Variants in DPP3 observed in about 807,000 individuals in gnomAD.
The protein encoded by DPP3 is DPP III.
DPP3 carries 64 observed loss-of-function variants against 89.8 expected under a neutral mutation model. The observed-to-expected ratio is 0.71, with a 90% confidence interval of 0.58 to 0.88. The LOEUF (loss-of-function observed/expected upper bound fraction) is 0.88. Ranked by LOEUF, DPP3 falls within the 40% of genes least tolerant of loss-of-function variation. DPP3 has a pLI of 0.00. For missense variants in DPP3, 835 were observed against 972.5 expected (o/e 0.86, Z 1.88); for synonymous variants, 377 against 404.3 (o/e 0.93, Z 0.81).
intron 3 of DPP3, 117 bp downstream of exon 3, chr11:66,485,379 C>T: frequency 1.0e-6 from 1 of 979,572 alleles, no homozygotes; most frequent in Non-Finnish European, 1.5e-6. Flanking sequence ...AGCATGGACC[C>T]TGTCGCTTCC....
intron 1 of DPP3, 156 bp downstream of exon 1, chr11:66,480,621 G>GCAAA: frequency 1.2e-6 from 1 of 869,384 alleles, no homozygotes; most frequent in Non-Finnish European, 1.6e-6. Flanking sequence ...GCTCCGGGGA[G>GCAAA]CAAAGAGTTA....
intron 16 of DPP3, 70 bp downstream of exon 16, chr11:66,497,547 C>G: frequency 2.6e-6 from 4 of 1,534,804 alleles, no homozygotes; most frequent in Non-Finnish European, 3.5e-6. Context: ...TTACCAGGCA[C>G]GGAGAATAAG....
At chr11:66,490,367 G>T (rs987577074) in intron 6 of DPP3, among the ~76,000 whole-genome samples, 2 of 152,190 alleles carry the variant, frequency 1.3e-5, no homozygotes, top group African/African-American at 4.8e-5. Context: ...AGTTGTGGAG[G>T]TCCAGAGTCT....
In DPP3 at chr11:66,497,244, A is replaced by C. The variant is rs897805941; in HGVS notation, c.1699-54A>C. On this transcript the variant is annotated intron_variant, in intron 15 of 17. Coordinates refer to ENST00000531863, the MANE Select transcript of DPP3 (RefSeq NM_130443.4). ...AAGGACCAAGCCAAGGACCAAGCCT[A>C]GGACCAAGCACTTGATACGGGCTAC... is the stretch of plus-strand genomic sequence containing the variant. The C allele has an allele frequency of 1.9e-6, 3 of 1,580,730 alleles. No homozygotes were observed. The African/African-American group carries it at 4.0e-5, about 21-fold the overall frequency.
intron 15 of DPP3, among the ~76,000 whole-genome samples, chr11:66,496,656 C>T (rs1204737904): frequency 1.3e-5 from 2 of 152,034 alleles, no homozygotes; most frequent in Admixed American, 6.6e-5. Flanking sequence ...CCTTGTGATC[C>T]GCCCGCCTCG....
chr11:66,497,414 C>T lies in DPP3; in HGVS notation c.1815C>T (p.Leu605=), dbSNP rs558639424. The part of the protein sequence containing the change: ...SDGRPDARVR[L]DRSKIRSVGK... The stretch of plus-strand genomic sequence containing the variant: ...GGCGCCCAGATGCCCGGGTCCGCCT[C>T]GACCGCAGCAAGATCCGGTCTGTGG... Residue 605 remains leucine, a synonymous_variant, in exon 16 of 18, where the codon CTC becomes CTT. Coordinates refer to ENST00000531863, the MANE Select transcript of DPP3 (RefSeq NM_130443.4). 47 of 1,614,012 alleles carry T rather than the reference C, an allele frequency of 2.9e-5. 1 individual carries two copies. The highest frequency in any genetic ancestry group is 2.4e-4 in the South Asian group (22 of 91,076).
intron 15 of DPP3, among the ~76,000 whole-genome samples, 170 bp downstream of exon 15, chr11:66,495,920 T>C (rs1402102814): frequency 1.3e-5 from 2 of 152,190 alleles, no homozygotes; most frequent in South Asian, 2.1e-4. Flanking sequence ...CCAGAGTTCC[T>C]CTCTGTGAAA....
chr11:66,485,439 T>C (rs1229718340), intron 3 of DPP3, among the ~76,000 whole-genome samples, 177 bp downstream of exon 3: 1 of 152,172 alleles, frequency 6.6e-6, no homozygotes, highest in African/African-American at 2.4e-5. Flanking sequence ...CTGCGGCCTC[T>C]TCGTGTATAA....
At chr11:66,496,446 A>C (rs1855538928) in intron 15 of DPP3, among the ~76,000 whole-genome samples, 10 of 138,424 alleles carry the variant, frequency 7.2e-5, no homozygotes, top group African/African-American at 1.4e-4. Flanking sequence ...ACAGAGTCTC[A>C]CTCTGTCACC....
At chr11:66,484,365 A>G (rs1226336250) in intron 2 of DPP3, among the ~76,000 whole-genome samples, 1 of 152,116 alleles carries the variant, frequency 6.6e-6, no homozygotes, top group African/African-American at 2.4e-5. Context: ...CACATGCTTG[A>G]AAAGTCCAGG....
chr11:66,481,217 G>A (rs1036843332), intron 1 of DPP3, among the ~76,000 whole-genome samples: 4 of 152,154 alleles, frequency 2.6e-5, no homozygotes, highest in African/African-American at 7.2e-5. Flanking sequence ...GGCCAGGCGC[G>A]GTGGCTCACG....
At chr11:66,485,364 A>G in intron 3 of DPP3, 102 bp downstream of exon 3, 1 of 1,173,776 alleles carries the variant, frequency 8.5e-7, no homozygotes, top group Admixed American at 2.0e-5. Context: ...AGAAGCCCTG[A>G]GCAGAGCATG....
intron 13 of DPP3, 32 bp from the exon 14 acceptor site, chr11:66,495,333 C>T: frequency 6.2e-7 from 1 of 1,613,836 alleles, no homozygotes; most frequent in South Asian, 1.1e-5. Context: ...GCAGTGGCCA[C>T]CTTAAGCCCG....
intron 6 of DPP3, among the ~76,000 whole-genome samples, chr11:66,490,747 GGTTTT>G (rs1178386073): frequency 6.6e-6 from 1 of 150,900 alleles, no homozygotes; most frequent in East Asian, 2.0e-4. Context: ...TTAGTTTTGG[GGTTTT>G]GTTTTGTTTT....
Position 66,495,200 on chromosome 11 carries a change from C to A in DPP3, c.1390-6C>A. 1 of 1,612,230 alleles carries A rather than the reference C, an allele frequency of 6.2e-7. No individual in the cohort carries two copies. Among genetic ancestry groups the A allele is most frequent in the Non-Finnish European group, 8.5e-7 (1 of 1,179,996 alleles). ...GCCTTTCCCTCACCCACCGTGTGTT[C>A]TGCAGGACGAAAAAGGAGCATTCAA... On this transcript the variant is annotated splice_polypyrimidine_tract_variant and splice_region_variant and intron_variant, in intron 12 of 17. Coordinates refer to ENST00000531863, the MANE Select transcript of DPP3 (RefSeq NM_130443.4).
In DPP3 at chr11:66,505,499, T is replaced by C. The variant is rs576564322; in HGVS notation, c.2041+725T>C. ...AAAGGCAGTGTGGACTGCTTGCTGA[T>C]GTTATCGTGAACCTGAATTCCTTCT... On this transcript the variant is annotated intron_variant, in intron 17 of 17. Coordinates refer to ENST00000531863, the MANE Select transcript of DPP3 (RefSeq NM_130443.4). Among the ~76,000 whole-genome samples the C allele has an allele frequency of 2.0e-5, 3 of 152,336 alleles. No homozygotes were observed. In the East Asian group the frequency reaches 5.8e-4, roughly 29 times the overall value.
intron 17 of DPP3, among the ~76,000 whole-genome samples, chr11:66,507,451 A>T (rs1274671629): frequency 6.6e-6 from 1 of 151,870 alleles, no homozygotes; most frequent in Non-Finnish European, 1.5e-5. Context: ...TGGGTGACAG[A>T]GCGAGACTCC....
At chr11:66,495,129 C>A in intron 12 of DPP3, 77 bp from the exon 13 acceptor site, 4 of 1,609,280 alleles carry the variant, frequency 2.5e-6, no homozygotes, top group Non-Finnish European at 3.4e-6. Flanking sequence ...GAGCCACTTT[C>A]CGGCCTGTGG....
At position 66,491,759 on chromosome 11, in the gene DPP3, A is replaced by G. The variant is rs762472744; in HGVS notation, c.988+3A>G. 1 of 1,613,462 alleles carries G rather than the reference A, an allele frequency of 6.2e-7. No homozygotes were observed. The highest frequency in any genetic ancestry group is 8.5e-7 in the Non-Finnish European group (1 of 1,179,844). The stretch of plus-strand genomic sequence containing the variant: ...TGGTTCCCGAGGAGAATTTGAAGGT[A>G]ACTTCCTCAGGGAGGAGGTCAGTCA... On this transcript the variant is annotated splice_donor_region_variant and intron_variant, in intron 9 of 17. Coordinates refer to ENST00000531863, the MANE Select transcript of DPP3 (RefSeq NM_130443.4).
Sources: gnomAD v4.1 joint callset for allele counts (sites outside exome capture counted in the v4.1 genomes callset) on GRCh38, gnomAD v4.1.1 for gene constraint, MANE v1.5 for transcripts, NCBI Gene and HGNC (gene_info 2026-07-23, HGNC 2026-07-21) for gene names.